The following LAMA2 variants were observed in gnomAD, a reference collection of about 807,000 sequenced individuals.
LAMA2 encodes the protein laminin subunit alpha-2.
In LAMA2, 269 loss-of-function variants were observed where a neutral mutation model predicts 364.8. That is an observed-to-expected ratio of 0.74 (90% confidence interval 0.67 to 0.82). The LOEUF (loss-of-function observed/expected upper bound fraction) is 0.82. Among genes scored for constraint, LAMA2 ranks in the 40% least tolerant of loss-of-function variants. The pLI is 0.00. For synonymous variants in LAMA2, 1,379 were observed against 1,370.6 expected, an observed-to-expected ratio of 1.01 and a Z score of -0.14; for missense variants, 3,807 against 3,873.2, an observed-to-expected ratio of 0.98 and a Z score of 0.45.
intron 1 of LAMA2, among the ~76,000 whole-genome samples, chr6:128,953,650 TG>T (rs1780977486): frequency 6.6e-6 from 1 of 151,700 alleles, no homozygotes; most frequent in Admixed American, 6.6e-5. Flanking sequence ...TATATATGTA[TG>T]GTGTTTGTGT....
intron 37 of LAMA2, among the ~76,000 whole-genome samples, chr6:129,400,270 G>A (rs1039652266): frequency 2.6e-5 from 4 of 152,152 alleles, no homozygotes; most frequent in African/African-American, 4.8e-5. Context: ...CTATCACCTT[G>A]AGGATTAGGA....
At position 129,198,386 on chromosome 6, in the gene LAMA2, T is replaced by A. The variant is rs897508002; in HGVS notation, c.1782+5533T>A. Among the ~76,000 whole-genome samples the A allele has an allele frequency of 5.3e-5, 8 of 152,194 alleles. No homozygotes were observed. In the East Asian group the frequency reaches 1.5e-3, roughly 29 times the overall value. On this transcript the variant is annotated intron_variant, in intron 12 of 64. Coordinates refer to ENST00000421865, the MANE Select transcript of LAMA2 (RefSeq NM_000426.4). ...CAGGATTACAATCCAGATGTGTCTA[T>A]AGCCCATTCCAGTTAAGCATTTTTT... is the stretch of plus-strand genomic sequence containing the variant.
Position 129,177,993 on chromosome 6 carries a change from G to A in LAMA2, c.1467+127G>A, listed in dbSNP as rs1014671847. 6.0e-5 allele frequency: 58 copies of A among 966,810 alleles called. 1 individual carries two copies. Among genetic ancestry groups the A allele is most frequent in the South Asian group, 6.0e-4 (43 of 72,088 alleles). The allele number at this position is 966,810 out of a possible 1,614,324, so 59.9% of individuals were successfully genotyped here. A position where few individuals can be genotyped will look rare whatever the true frequency, so the allele number is the denominator to read the frequency against. On this transcript the variant is annotated intron_variant, in intron 10 of 64. Coordinates refer to ENST00000421865, the MANE Select transcript of LAMA2 (RefSeq NM_000426.4). ...TGGAAGTATCCATAATCTATTCTAC[G>A]TGTGGTGACCCACCAGGTTCACTGT...
At chr6:129,166,833 T>G (rs890390925) in intron 9 of LAMA2, among the ~76,000 whole-genome samples, 20 of 152,174 alleles carry the variant, frequency 1.3e-4, no homozygotes, top group Non-Finnish European at 2.5e-4. Flanking sequence ...CTTAACTTTA[T>G]GTGATGAGTT....
At position 129,481,193 on chromosome 6, in the gene LAMA2, G is replaced by A. The variant is rs951440742; in HGVS notation, c.7573-70G>A. 8 of 1,158,180 alleles carry A rather than the reference G, an allele frequency of 6.9e-6. No homozygotes were observed. In the African/African-American group the frequency reaches 1.2e-4, roughly 18 times the overall value. 71.7% of individuals were successfully genotyped at this position (1,158,180 alleles called of 1,614,324 possible). A position where few individuals can be genotyped will look rare whatever the true frequency, so the allele number is the denominator to read the frequency against. ...TCACATTAATTGCATCGAGGAGGGT[G>A]AGTGAGATGGAGAACTTATTTAAAT... On this transcript the variant is annotated intron_variant, in intron 54 of 64. Transcript: ENST00000421865.
At chr6:129,012,667 C>G (rs1438865197) in intron 1 of LAMA2, among the ~76,000 whole-genome samples, 1 of 152,116 alleles carries the variant, frequency 6.6e-6, no homozygotes, top group Non-Finnish European at 1.5e-5. Context: ...TCTGGTTCTT[C>G]AAGGTGATAG....
intron 28 of LAMA2, among the ~76,000 whole-genome samples, chr6:129,325,911 C>G (rs560322799): frequency 6.6e-6 from 1 of 152,142 alleles, no homozygotes; most frequent in Non-Finnish European, 1.5e-5. Flanking sequence ...CAGATCTCAG[C>G]TTACTGCAAC....
Position 129,335,356 on chromosome 6 carries a change from GTAGATAGATAGA to G in LAMA2, c.4312-6956_4312-6945del, listed in dbSNP as rs35228622. 1.4e-3 allele frequency among the ~76,000 whole-genome samples: 204 copies of G among 148,482 alleles called. 2 individuals carry two copies. Among genetic ancestry groups the G allele is most frequent in the African/African-American group, 4.1e-3 (164 of 40,146 alleles). ...GTACACACACATAGGTAGTAAGTAG[GTAGATAGATAGA>G]TAGATAGATAGATAGATAGATAGAT... On this transcript the variant is annotated intron_variant, in intron 29 of 64. Transcript: ENST00000421865.
At chr6:129,431,796 T>C (rs1781609254) in intron 41 of LAMA2, among the ~76,000 whole-genome samples, 2 of 152,190 alleles carry the variant, frequency 1.3e-5, no homozygotes, top group Admixed American at 6.5e-5. Flanking sequence ...GTTGAAGCCT[T>C]CCTTCTATAC....
intron 30 of LAMA2, among the ~76,000 whole-genome samples, chr6:129,342,985 G>A (rs778525925): frequency 4.6e-5 from 7 of 152,102 alleles, no homozygotes; most frequent in Non-Finnish European, 1.0e-4. Context: ...CGGAATCACA[G>A]CCTCCTTTTT....
intron 9 of LAMA2, among the ~76,000 whole-genome samples, chr6:129,171,345 C>T (rs1168015784): frequency 6.6e-6 from 1 of 152,160 alleles, no homozygotes; most frequent in East Asian, 1.9e-4. Context: ...GTGCTTCCTT[C>T]AGGAGCTCTT....
In LAMA2 at chr6:128,989,341, T is replaced by G. The variant is rs149300672; in HGVS notation, c.113-60577T>G. Among the ~76,000 whole-genome samples, 1,113 of 152,310 alleles carry G rather than the reference T, an allele frequency of 7.3e-3. 12 individuals are homozygous for G. The highest frequency in any genetic ancestry group is 0.011 in the Admixed American group (175 of 15,296). ...GAATCAAGTGAGTTTTAGCTTCTTTTAAGTGAAATCATGCATGCTCCTCAC... is the reference window on the plus strand; with the variant it reads ...GAATCAAGTGAGTTTTAGCTTCTTTGAAGTGAAATCATGCATGCTCCTCAC... On this transcript the variant is annotated intron_variant, in intron 1 of 64. Coordinates refer to ENST00000421865, the MANE Select transcript of LAMA2 (RefSeq NM_000426.4).
At chr6:129,332,744 A>G (rs1355135112) in intron 29 of LAMA2, among the ~76,000 whole-genome samples, 1 of 152,200 alleles carries the variant, frequency 6.6e-6, no homozygotes, top group Admixed American at 6.5e-5. Flanking sequence ...TTTTGTTTCA[A>G]CATAGTAAAT....
intron 3 of LAMA2, among the ~76,000 whole-genome samples, chr6:129,068,089 A>G (rs1359834387): frequency 1.3e-5 from 2 of 152,202 alleles, no homozygotes; most frequent in African/African-American, 4.8e-5. Context: ...AAGCACTTAG[A>G]ATAGTGCACA....
chr6:129,290,075 A>G (rs952029444), intron 19 of LAMA2, among the ~76,000 whole-genome samples: 1 of 152,066 alleles, frequency 6.6e-6, no homozygotes, highest in African/African-American at 2.4e-5. Flanking sequence ...TTGGTGTCAT[A>G]TTTTTCCATT....
At chr6:129,464,547 TCA>T in intron 50 of LAMA2, 95 bp downstream of exon 50, 1 of 1,074,742 alleles carries the variant, frequency 9.3e-7, no homozygotes, top group Non-Finnish European at 1.4e-6. Context: ...GGTAAAATTA[TCA>T]GTTATTTTCT....
At position 129,267,152 on chromosome 6, in the gene LAMA2, G is replaced by A. The variant is rs990786701; in HGVS notation, c.2255G>A (p.Gly752Asp). Residue 752 changes from glycine to aspartate, a missense_variant, in exon 16 of 65, where the codon GGC (glycine) becomes GAC (aspartate). Gly to Asp is a moderately conservative substitution (Grantham distance 94). Around this residue, in one of 3 missense-constraint regions of LAMA2, gnomAD observed 3,333 missense variants for 3,345.7 expected, o/e 1.00. Transcript: ENST00000421865. ...HRRVNGTIFG[G>D]ICEPCQCFGH... The stretch of plus-strand genomic sequence containing the variant: ...CGAGTTAACGGCACTATTTTTGGTG[G>A]CATCTGTGAGCCATGTCAGTGCTTT... 1.1e-5 allele frequency: 17 copies of A among 1,613,258 alleles called. No individual in the cohort carries two copies. Among genetic ancestry groups the A allele is most frequent in the Non-Finnish European group, 1.4e-5 (17 of 1,179,480 alleles).
intron 4 of LAMA2, among the ~76,000 whole-genome samples, chr6:129,109,788 TATTTGGCTCAAGCTA>T (rs1429614104): frequency 2.0e-5 from 3 of 152,118 alleles, no homozygotes; most frequent in Non-Finnish European, 4.4e-5. Flanking sequence ...GTTTTTCTTT[TATTTGGCTCAAGCTA>T]ATTCTTTCTG....
At chr6:129,511,299 A>G (rs767009435) in intron 62 of LAMA2, among the ~76,000 whole-genome samples, 40 of 151,978 alleles carry the variant, frequency 2.6e-4, no homozygotes, top group Non-Finnish European at 5.4e-4. Flanking sequence ...TCCTCAGCCG[A>G]ACTTCCTCAT....
Sources: gnomAD v4.1 joint callset for allele counts (sites outside exome capture counted in the v4.1 genomes callset) on GRCh38, gnomAD v4.1.1 for gene constraint, gnomAD v4.1.1 regional missense constraint, MANE v1.5 for transcripts, NCBI Gene and HGNC (gene_info 2026-07-23, HGNC 2026-07-21) for gene names.